Variants in SLC6A14 observed in about 807,000 individuals in gnomAD.
SLC6A14 encodes the protein sodium- and chloride-dependent neutral and basic amino acid transporter B(0+).
Under a neutral mutation model 51.4 loss-of-function variants are expected in SLC6A14, and 21 were observed. That is an observed-to-expected ratio of 0.41 (90% confidence interval 0.29 to 0.59). The LOEUF is 0.59. Among genes scored for constraint, SLC6A14 ranks in the 20% least tolerant of loss-of-function variants. The pLI is 0.31. For missense variants in SLC6A14, 371 were observed against 472.8 expected, an observed-to-expected ratio of 0.78 and a Z score of 2.00; for synonymous variants, 177 against 160.7, an observed-to-expected ratio of 1.10 and a Z score of -0.77.
Position 116,446,652 on chromosome X carries a change from T to A in SLC6A14, c.790-89T>A, listed in dbSNP as rs1248073515. Reference sequence around the variant, plus strand: ...AATCCCCTGTACTTTATTTAATTAATCTCAACTGGCTAATAATTTTACTTG... The same window carrying A: ...AATCCCCTGTACTTTATTTAATTAAACTCAACTGGCTAATAATTTTACTTG... On this transcript the variant is annotated intron_variant, in intron 6 of 13. Transcript: ENST00000598581. The A allele has an allele frequency of 4.3e-6, 3 of 694,965 alleles. No homozygotes were observed. In the African/African-American group the frequency reaches 6.5e-5, roughly 15 times the overall value. The allele number at this position is 694,965 out of a possible 1,213,427, so 57.3% of individuals were successfully genotyped here.
At chrX:116,441,126 A>T (rs1556693656) in intron 3 of SLC6A14, 29 bp downstream of exon 3, 1 of 1,197,175 alleles carries the variant, frequency 8.4e-7, no homozygotes, top group Non-Finnish European at 1.1e-6. Context: ...TCTTGGTATT[A>T]AAGCATTTTC....
At chrX:116,455,534 A>T in intron 12 of SLC6A14, 68 bp downstream of exon 12, 2 of 728,547 alleles carry the variant, frequency 2.7e-6, no homozygotes, top group Non-Finnish European at 4.2e-6. Flanking sequence ...TTAATAATTC[A>T]CATTGAAGAC....
Position 116,453,072 on chromosome X carries a change from T to G in SLC6A14, c.1215T>G (p.Gly405=). The G allele has an allele frequency of 8.3e-7, 1 of 1,197,779 alleles. No individual in the cohort carries two copies. The highest frequency in any genetic ancestry group is 1.1e-6 in the Non-Finnish European group (1 of 885,251). ...YPEALAQLPG[G]PFWSILFFFM... is the part of the protein sequence containing the mutation. ...AGGCTCTAGCCCAACTCCCAGGTGG[T>G]CCATTTTGGTCCATATTATTTTTTT... The change falls in exon 9 of 14, where the codon GGT becomes GGG. Residue 405 remains glycine (G), a synonymous_variant. Coordinates refer to ENST00000598581, the MANE Select transcript of SLC6A14 (RefSeq NM_007231.5).
chrX:116,441,250 T>G (rs1927592082), intron 3 of SLC6A14, among the ~76,000 whole-genome samples, 153 bp downstream of exon 3: 1 of 112,513 alleles, frequency 8.9e-6, no homozygotes, highest in South Asian at 3.7e-4. Flanking sequence ...ATTGTTGTTT[T>G]GCTGTACAGT....
chrX:116,455,159 A>C (rs5905287), intron 11 of SLC6A14, 83 bp downstream of exon 11: 1 of 702,574 alleles, frequency 1.4e-6, no homozygotes. Flanking sequence ...ACCTAATTAT[A>C]CTATTAATTT....
chrX:116,459,056 C>A lies in SLC6A14; in HGVS notation c.*101C>A. ...TTAACTGAATAGGAAAATGTACATA[C>A]TATGTTCATGATAGTGTGATTTTTT... On this transcript the variant is annotated 3_prime_UTR_variant, in exon 14 of 14. Transcript: ENST00000598581. The A allele has an allele frequency of 1.5e-6, 1 of 681,926 alleles. No individual in the cohort carries two copies. The allele number at this position is 681,926 out of a possible 1,213,427, so 56.2% of individuals were successfully genotyped here.
Position 116,454,457 on chromosome X carries a change from T to C in SLC6A14, c.1404+15T>C. On this transcript the variant is annotated intron_variant, in intron 10 of 13. Coordinates refer to ENST00000598581, the MANE Select transcript of SLC6A14 (RefSeq NM_007231.5). Reference sequence around the variant, plus strand: ...GTGTGACTCAGGTATACTACAGCATTTTTTTTCATAGAAACATATTAGTTG... The same window carrying C: ...GTGTGACTCAGGTATACTACAGCATCTTTTTTCATAGAAACATATTAGTTG... 1 of 972,161 alleles carries C rather than the reference T, an allele frequency of 1.0e-6. No homozygotes were observed. Among genetic ancestry groups the C allele is most frequent in the South Asian group, 2.0e-5 (1 of 49,910 alleles). The allele number at this position is 972,161 out of a possible 1,213,427, so 80.1% of individuals were successfully genotyped here. A position where few individuals can be genotyped will look rare whatever the true frequency, so the allele number is the denominator to read the frequency against.
chrX:116,439,328 A>G (rs1489694511), intron 2 of SLC6A14, among the ~76,000 whole-genome samples: 1 of 111,980 alleles, frequency 8.9e-6, no homozygotes, highest in Admixed American at 9.6e-5. Flanking sequence ...TAAAAACATC[A>G]TTTGGGTAAT....
chrX:116,437,969 C>CGGGGGGGGGGCG lies in SLC6A14; in HGVS notation c.214+14_214+15insGGGGGGGGGGCG. The CGGGGGGGGGGCG allele has an allele frequency of 9.1e-7, 1 of 1,096,574 alleles. No individual in the cohort carries two copies. Among genetic ancestry groups the CGGGGGGGGGGCG allele is most frequent in the Non-Finnish European group, 1.2e-6 (1 of 820,884 alleles). 90.4% of individuals were successfully genotyped at this position (1,096,574 alleles called of 1,213,427 possible). A position where few individuals can be genotyped will look rare whatever the true frequency, so the allele number is the denominator to read the frequency against. ...GCAATGGTGGAGGTATTCTATTTCA[C>CGGGGGGGGGGCG]CCCCACCCTCCCACCCCCGCTTTTC... is the stretch of plus-strand genomic sequence containing the variant. On this transcript the variant is annotated intron_variant, in intron 2 of 13. Transcript: ENST00000598581.
Position 116,451,486 on chromosome X carries a change from G to A in SLC6A14, c.975G>A (p.Val325=), listed in dbSNP as rs1927821742. 4 of 1,208,359 alleles carry A rather than the reference G, an allele frequency of 3.3e-6. No homozygotes were observed. The highest frequency in any genetic ancestry group is 3.5e-5 in the African/African-American group (2 of 57,067). Residue 325 remains valine (V), a synonymous_variant, in exon 8 of 14, where the codon GTG becomes GTA. Transcript: ENST00000598581. The part of the protein sequence containing the change: ...AATQIFYSLS[V]AWGGLVALSS... ...CTCAGATATTTTACTCCCTTTCAGT[G>A]GCTTGGGGTGGCTTAGTTGCTCTAT...
intron 3 of SLC6A14, among the ~76,000 whole-genome samples, chrX:116,442,088 T>C (rs1313513399): frequency 8.9e-6 from 1 of 111,737 alleles, no homozygotes; most frequent in Non-Finnish European, 1.9e-5. Context: ...TTTTTCTTTA[T>C]GTGAATTTGA....
Position 116,453,767 on chromosome X carries a change from A to T in SLC6A14, c.1286-557A>T, listed in dbSNP as rs538226059. Among the ~76,000 whole-genome samples the T allele has an allele frequency of 1.8e-4, 20 of 111,581 alleles. No homozygotes were observed. The South Asian group carries it at 7.0e-3, about 39-fold the overall frequency. On this transcript the variant is annotated intron_variant, in intron 9 of 13. Coordinates refer to ENST00000598581, the MANE Select transcript of SLC6A14 (RefSeq NM_007231.5). Reference sequence around the variant, plus strand: ...TTTACCTAGGTTACATGACTAGAGAAATTCTGAAACAATTTTCATCCTACC... The same window carrying T: ...TTTACCTAGGTTACATGACTAGAGATATTCTGAAACAATTTTCATCCTACC...
Position 116,437,968 on chromosome X carries a change from A to ACGGGGGGGGGG in SLC6A14, c.214+14_214+15insGGGGGGGGGGC. 4.5e-6 allele frequency: 5 copies of ACGGGGGGGGGG among 1,122,102 alleles called. No individual in the cohort carries two copies. The highest frequency in any genetic ancestry group is 3.4e-4 in the Middle Eastern group (1 of 2,937). 92.5% of individuals were successfully genotyped at this position (1,122,102 alleles called of 1,213,427 possible). A position where few individuals can be genotyped will look rare whatever the true frequency, so the allele number is the denominator to read the frequency against. ...AGCAATGGTGGAGGTATTCTATTTC[A>ACGGGGGGGGGG]CCCCCACCCTCCCACCCCCGCTTTT... On this transcript the variant is annotated intron_variant, in intron 2 of 13. Coordinates refer to ENST00000598581, the MANE Select transcript of SLC6A14 (RefSeq NM_007231.5).
At position 116,455,338 on chromosome X, in the gene SLC6A14, T is replaced by C. The variant is rs1436558884; in HGVS notation, c.1505-19T>C. ...AGAAAATATTAGCAAGCACTCAATG[T>C]ACTCTTTGTTTTCTTTAGGAGGGAA... On this transcript the variant is annotated intron_variant, in intron 11 of 13. Transcript: ENST00000598581. The C allele has an allele frequency of 2.6e-6, 3 of 1,133,319 alleles. No homozygotes were observed. Among genetic ancestry groups the C allele is most frequent in the East Asian group, 6.0e-5 (2 of 33,419 alleles). The allele number at this position is 1,133,319 out of a possible 1,213,427, so 93.4% of individuals were successfully genotyped here.
chrX:116,437,705 T>C, intron 1 of SLC6A14, 85 bp from the exon 2 acceptor site: 2 of 943,434 alleles, frequency 2.1e-6, no homozygotes, highest in Non-Finnish European at 1.5e-6. Context: ...CCCCATTTTC[T>C]GTTGCTCTAT....
chrX:116,443,524 C>A, intron 4 of SLC6A14, 119 bp from the exon 5 acceptor site: 1 of 508,453 alleles, frequency 2.0e-6, no homozygotes, highest in Non-Finnish European at 3.0e-6. Flanking sequence ...TTCTACTCCA[C>A]TTTTTTCAAG....
intron 7 of SLC6A14, 107 bp downstream of exon 7, chrX:116,446,988 T>C: frequency 3.3e-6 from 2 of 611,494 alleles, no homozygotes; most frequent in Non-Finnish European, 5.0e-6. Flanking sequence ...GCTTGCAAAA[T>C]AATATACAGT....
Position 116,459,185 on chromosome X carries a change from C to T in SLC6A14, c.*230C>T. ...ATTGTCTATCTGTATAACACACACA[C>T]ACACACCTAAGAGTCTCTATTTCAC... On this transcript the variant is annotated 3_prime_UTR_variant, in exon 14 of 14. Coordinates refer to ENST00000598581, the MANE Select transcript of SLC6A14 (RefSeq NM_007231.5). The T allele has an allele frequency of 3.6e-6, 1 of 274,604 alleles. No homozygotes were observed. The highest frequency in any genetic ancestry group is 5.6e-5 in the East Asian group (1 of 17,700). The allele number at this position is 274,604 out of a possible 1,213,427, so 22.6% of individuals were successfully genotyped here.
At chrX:116,457,293 A>G (rs1485861477) in intron 12 of SLC6A14, among the ~76,000 whole-genome samples, 3 of 111,709 alleles carry the variant, frequency 2.7e-5, no homozygotes, top group African/African-American at 9.7e-5. Context: ...AAAATTTCAG[A>G]TATTATTTTA....
Sources: gnomAD v4.1 joint callset for allele counts (sites outside exome capture counted in the v4.1 genomes callset) on GRCh38, gnomAD v4.1.1 for gene constraint, MANE v1.5 for transcripts, NCBI Gene and HGNC (gene_info 2026-07-23, HGNC 2026-07-21) for gene names.